The following CSMD1 variants were observed in gnomAD, a reference collection of about 807,000 sequenced individuals.
CSMD1 encodes the protein CUB and Sushi multiple domains 1.
In CSMD1, 213 loss-of-function variants were observed where a neutral mutation model predicts 417.5. The ratio of observed to expected loss-of-function variants is 0.51; its 90% CI spans 0.46 to 0.57. CSMD1 has a LOEUF of 0.57. CSMD1 is among the 20% of genes least tolerant of loss of function. The pLI is 0.00. For synonymous variants in CSMD1, 2,862 were observed against 1,736.8 expected (o/e 1.65, Z -16.11); for missense variants, 6,923 against 4,529.7 (o/e 1.53, Z -15.17).
intron 22 of CSMD1, 62 bp downstream of exon 22, chr8:3,347,930 T>C (rs944769461): frequency 9.8e-5 from 114 of 1,163,538 alleles, no homozygotes; most frequent in East Asian, 4.4e-4. Context: ...GAAAAATAGA[T>C]AGACAATGTA....
intron 5 of CSMD1, among the ~76,000 whole-genome samples, chr8:3,817,249 CT>C (rs1469642230): frequency 1.4e-5 from 1 of 72,948 alleles, no homozygotes; most frequent in African/African-American, 4.7e-5. Context: ...ATATCTTCTT[CT>C]TCTTTTTTTT....
intron 3 of CSMD1, among the ~76,000 whole-genome samples, chr8:4,160,046 T>C (rs1263653593): frequency 2.0e-5 from 3 of 151,510 alleles, no homozygotes; most frequent in African/African-American, 4.9e-5. Context: ...AGAACTTTCA[T>C]GTAACCAAAT....
At chr8:3,060,596 A>T (rs1812531545) in intron 49 of CSMD1, among the ~76,000 whole-genome samples, 1 of 152,178 alleles carries the variant, frequency 6.6e-6, no homozygotes, top group African/African-American at 2.4e-5. Context: ...AAGCACTTGA[A>T]ATTTGATTTC....
chr8:4,868,356 C>T (rs1364704373), intron 1 of CSMD1, among the ~76,000 whole-genome samples: 1 of 151,946 alleles, frequency 6.6e-6, no homozygotes, highest in Non-Finnish European at 1.5e-5. Flanking sequence ...GCTTCAGCCT[C>T]CCCAGTAAAC....
intron 27 of CSMD1, 62 bp from the exon 28 acceptor site, chr8:3,223,929 T>C (rs1798349258): frequency 4.5e-6 from 7 of 1,547,208 alleles, no homozygotes; most frequent in East Asian, 2.3e-5. Flanking sequence ...TGCCAGTCAG[T>C]GTGGAAGGAG....
intron 2 of CSMD1, among the ~76,000 whole-genome samples, chr8:4,535,925 A>G (rs893805684): frequency 6.6e-5 from 10 of 152,192 alleles, no homozygotes; most frequent in African/African-American, 2.4e-4. Context: ...GATGTTTATA[A>G]TAAGAATTGA....
intron 8 of CSMD1, among the ~76,000 whole-genome samples, chr8:3,613,868 A>T (rs571999922): frequency 1.3e-5 from 2 of 152,292 alleles, no homozygotes; most frequent in African/African-American, 4.8e-5. Context: ...ATAAAGGCAG[A>T]GATGTCTCAC....
chr8:3,039,624 T>C (rs1186309869), intron 50 of CSMD1, among the ~76,000 whole-genome samples: 1 of 152,132 alleles, frequency 6.6e-6, no homozygotes, highest in African/African-American at 2.4e-5. Flanking sequence ...AGGAGGCATT[T>C]TGCACTTCTT....
intron 25 of CSMD1, among the ~76,000 whole-genome samples, chr8:3,289,602 C>G (rs573682188): frequency 1.4e-5 from 2 of 144,738 alleles, no homozygotes; most frequent in East Asian, 2.0e-4. Flanking sequence ...TTTCATGTGT[C>G]TTTTGGCTGC....
chr8:4,785,818 G>C (rs1198420729), intron 1 of CSMD1, among the ~76,000 whole-genome samples: 3 of 152,080 alleles, frequency 2.0e-5, no homozygotes, highest in African/African-American at 7.2e-5. Context: ...TCGTTAAATG[G>C]TGAAACTGTC....
At chr8:3,820,764 T>A (rs777311678) in intron 5 of CSMD1, among the ~76,000 whole-genome samples, 41 of 151,972 alleles carry the variant, frequency 2.7e-4, no homozygotes, top group Non-Finnish European at 4.9e-4. Flanking sequence ...TTTGTTTTGT[T>A]TTAGTGATGG....
At chr8:2,990,064 C>A (rs1221187057) in intron 54 of CSMD1, among the ~76,000 whole-genome samples, 1 of 152,284 alleles carries the variant, frequency 6.6e-6, no homozygotes, top group Non-Finnish European at 1.5e-5. Flanking sequence ...TATGCTGTCC[C>A]CCTGTGTGGA....
intron 2 of CSMD1, among the ~76,000 whole-genome samples, chr8:4,502,632 G>A (rs1007584126): frequency 6.6e-5 from 10 of 152,078 alleles, no homozygotes; most frequent in East Asian, 1.9e-4. Flanking sequence ...CTGAAATCTC[G>A]CATTTACTTT....
intron 1 of CSMD1, among the ~76,000 whole-genome samples, chr8:4,876,616 A>T (rs1360112403): frequency 6.6e-6 from 1 of 152,112 alleles, no homozygotes; most frequent in Non-Finnish European, 1.5e-5. Context: ...TTAGCACATC[A>T]GTTCACAATA....
At chr8:4,460,351 T>G (rs1013978716) in intron 2 of CSMD1, among the ~76,000 whole-genome samples, 2 of 151,952 alleles carry the variant, frequency 1.3e-5, no homozygotes, top group African/African-American at 4.8e-5. Context: ...TAGAGGGAAA[T>G]TTAGAGTAGT....
intron 1 of CSMD1, among the ~76,000 whole-genome samples, chr8:4,750,091 C>T (rs934450673): frequency 5.9e-5 from 9 of 152,210 alleles, no homozygotes; most frequent in East Asian, 3.9e-4. Flanking sequence ...CCGCAAGCTC[C>T]GCCTCCCGGG....
At chr8:4,428,852 G>C (rs574758182) in intron 2 of CSMD1, among the ~76,000 whole-genome samples, 4 of 151,978 alleles carry the variant, frequency 2.6e-5, no homozygotes, top group Non-Finnish European at 5.9e-5. Flanking sequence ...CTGAGTATCT[G>C]GGATTACAGG....
chr8:3,283,933 T>G (rs1802939074), intron 26 of CSMD1, among the ~76,000 whole-genome samples: 1 of 152,260 alleles, frequency 6.6e-6, no homozygotes, highest in African/African-American at 2.4e-5. Flanking sequence ...GCATTTCTCT[T>G]AAGCTGGCTT....
chr8:4,835,166 T>C (rs184356193), intron 1 of CSMD1, among the ~76,000 whole-genome samples: 6 of 151,336 alleles, frequency 4.0e-5, no homozygotes, highest in East Asian at 1.9e-4. Flanking sequence ...CCCGAGAAGG[T>C]TGGAAATGAA....
Sources: allele counts gnomAD v4.1 joint callset (sites outside exome capture counted in the v4.1 genomes callset), GRCh38; gene constraint gnomAD v4.1.1; transcripts MANE v1.5; gene names NCBI Gene and HGNC (gene_info 2026-07-23, HGNC 2026-07-21).